NDEL1: variants seen among roughly 807,000 people sequenced by gnomAD.
NDEL1 encodes nuclear distribution protein nudE-like 1.
In NDEL1, 9 loss-of-function variants were observed where a neutral mutation model predicts 45.7. The observed-to-expected ratio is 0.20, with a 90% CI of 0.12 to 0.34. The LOEUF is 0.34. Ranked by LOEUF, NDEL1 falls within the 10% of genes least tolerant of loss-of-function variation. The pLI, the probability that NDEL1 is intolerant of heterozygous loss-of-function variation, is 1.00. For synonymous variants in NDEL1, 133 were observed against 158.6 expected (o/e 0.84, Z 1.21); for missense variants, 306 against 406.2 (o/e 0.75, Z 2.12).
intron 5 of NDEL1, among the ~76,000 whole-genome samples, chr17:8,450,050 A>AG (rs1174421878): frequency 6.6e-6 from 1 of 152,194 alleles, no homozygotes; most frequent in Non-Finnish European, 1.5e-5. Context: ...TGGGAGGCTG[A>AG]GGCGGGTGGA....
intron 7 of NDEL1, among the ~76,000 whole-genome samples, chr17:8,459,181 A>T (rs1911040857): frequency 6.6e-6 from 1 of 152,114 alleles, no homozygotes; most frequent in Non-Finnish European, 1.5e-5. Context: ...TGAATTGTGT[A>T]TATATATATT....
chr17:8,422,925 A>G (rs59882979), intron 1 of NDEL1, among the ~76,000 whole-genome samples: 2,145 of 151,996 alleles, frequency 0.014, 42 homozygotes, highest in African/African-American at 0.049. Context: ...TAGTAGAGAC[A>G]GGGTTTCATC....
intron 7 of NDEL1, among the ~76,000 whole-genome samples, chr17:8,457,279 C>T (rs1441153087): frequency 2.6e-5 from 4 of 152,280 alleles, no homozygotes; most frequent in South Asian, 4.1e-4. Context: ...TTGTCGCCCT[C>T]GAATTTCTCT....
chr17:8,427,118 A>T (rs1433996948), intron 1 of NDEL1, among the ~76,000 whole-genome samples: 1 of 152,188 alleles, frequency 6.6e-6, no homozygotes, highest in Non-Finnish European at 1.5e-5. Context: ...ATCTCTACCC[A>T]ATTCCAGCCT....
chr17:8,446,506 A>T (rs939930072), intron 3 of NDEL1, among the ~76,000 whole-genome samples: 5 of 152,154 alleles, frequency 3.3e-5, no homozygotes, highest in Non-Finnish European at 7.4e-5. Context: ...TGAGGCAAGG[A>T]TTTTTTATAT....
intron 3 of NDEL1, among the ~76,000 whole-genome samples, chr17:8,473,190 CT>C (rs528658794): frequency 0.013 from 1,902 of 146,652 alleles, 31 homozygotes; most frequent in African/African-American, 0.043. Context: ...GGGAAGAATT[CT>C]TTTTTTTTTT....
downstream of NDEL1, among the ~76,000 whole-genome samples, chr17:8,469,960 G>C (rs1012461061): frequency 2.0e-5 from 3 of 149,440 alleles, no homozygotes; most frequent in Admixed American, 6.8e-5. Flanking sequence ...CACCCGCCTC[G>C]GCCTCCCAAA....
At chr17:8,421,007 T>G (rs886136338) in intron 1 of NDEL1, among the ~76,000 whole-genome samples, 4 of 152,216 alleles carry the variant, frequency 2.6e-5, no homozygotes, top group African/African-American at 7.2e-5. Context: ...CAGATTGATG[T>G]TAAGTGGTAA....
At chr17:8,442,777 C>CTTTTTTTTT (rs34963430) in intron 1 of NDEL1, among the ~76,000 whole-genome samples, 20 of 84,100 alleles carry the variant, frequency 2.4e-4, no homozygotes, top group East Asian at 3.8e-4. Flanking sequence ...TATTTATTTA[C>CTTTTTTTTT]TTTTTTTTTT....
At chr17:8,461,800 A>G (rs1471280269) in intron 8 of NDEL1, among the ~76,000 whole-genome samples, 1 of 152,234 alleles carries the variant, frequency 6.6e-6, no homozygotes, top group East Asian at 1.9e-4. Context: ...ATGATCCTCT[A>G]CTAGAGTAGT....
chr17:8,459,304 G>A (rs1161317923), intron 7 of NDEL1, among the ~76,000 whole-genome samples: 5 of 152,218 alleles, frequency 3.3e-5, no homozygotes, highest in Middle Eastern at 3.4e-3. Context: ...CATGAGAAAC[G>A]CCTGATCTCT....
chr17:8,471,130 T>C (rs1316846080), downstream of NDEL1, among the ~76,000 whole-genome samples: 1 of 152,236 alleles, frequency 6.6e-6, no homozygotes, highest in East Asian at 1.9e-4. Context: ...AAGCTGCTGA[T>C]GCTCATTCTG....
chr17:8,447,120 C>T (rs1208640505), intron 4 of NDEL1, among the ~76,000 whole-genome samples: 2 of 152,044 alleles, frequency 1.3e-5, no homozygotes, highest in African/African-American at 4.8e-5. Flanking sequence ...TTCCTTCTTT[C>T]ATATACTGTG....
downstream of NDEL1, among the ~76,000 whole-genome samples, chr17:8,470,455 T>G (rs1276289996): frequency 6.6e-6 from 1 of 152,156 alleles, no homozygotes; most frequent in African/African-American, 2.4e-5. The surrounding 1 kb of genome is among the most constrained non-coding windows in gnomAD (Gnocchi z 4.2). Flanking sequence ...TAGCCAGCGC[T>G]CCACTTCCTT....
intron 1 of NDEL1, among the ~76,000 whole-genome samples, chr17:8,423,565 T>C (rs1908753719): frequency 6.6e-6 from 1 of 152,190 alleles, no homozygotes; most frequent in African/African-American, 2.4e-5. Flanking sequence ...ATTCCTGTAA[T>C]CCCACCTATT....
chr17:8,448,749 G>C, intron 5 of NDEL1, 63 bp downstream of exon 5: 1 of 1,465,770 alleles, frequency 6.8e-7, no homozygotes, highest in South Asian at 1.3e-5. Context: ...AATTGTGTGG[G>C]CCCACTTATA....
In NDEL1 at chr17:8,428,354, G is replaced by T. The variant is rs1267528316; in HGVS notation, c.-13+15085G>T. The stretch of plus-strand genomic sequence containing the variant: ...TGTGTGTGTGTGTGTGTGTGTGTGT[G>T]TGTGTGTATTTTTTTTTTTTTTTTT... On this transcript the variant is annotated intron_variant, in intron 1 of 4. Coordinates refer to the NDEL1 transcript ENST00000582812. Among the ~76,000 whole-genome samples the T allele has an allele frequency of 6.3e-5, 6 of 95,198 alleles. 1 individual carries two copies. The highest frequency in any genetic ancestry group is 8.6e-4 in the South Asian group (2 of 2,322). The allele number at this position is 95,198 out of a possible 152,430, so 62.5% of individuals were successfully genotyped here.
chr17:8,455,688 CAAAA>C (rs34198702), intron 7 of NDEL1, among the ~76,000 whole-genome samples: 24 of 106,404 alleles, frequency 2.3e-4, no homozygotes, highest in Admixed American at 5.0e-4. Context: ...GACTCCATCT[CAAAA>C]AAAAAAAAAA....
chr17:8,471,636 G>T (rs1370286292), downstream of NDEL1, among the ~76,000 whole-genome samples: 1 of 152,200 alleles, frequency 6.6e-6, no homozygotes. Context: ...TTGAAGTCCG[G>T]GGCCACACTT....
Sources: allele counts gnomAD v4.1 joint callset (sites outside exome capture counted in the v4.1 genomes callset), GRCh38; gene constraint gnomAD v4.1.1; non-coding constraint Gnocchi (gnomAD v3.1); transcripts MANE v1.5; gene names NCBI Gene and HGNC (gene_info 2026-07-23, HGNC 2026-07-21).